The following SPATS2L variants were observed in gnomAD, a reference collection of about 807,000 sequenced individuals.
SPATS2L encodes spermatogenesis associated serine rich 2 like, also known as SPATS2-like protein.
In SPATS2L, 30 loss-of-function variants were observed where a neutral mutation model predicts 59.6. The ratio of observed to expected loss-of-function variants is 0.50; its 90% CI spans 0.38 to 0.68. The LOEUF is 0.68. Ranked by LOEUF, SPATS2L falls within the 30% of genes least tolerant of loss-of-function variation. The pLI, the probability that SPATS2L is intolerant of heterozygous loss-of-function variation, is 0.00. For synonymous variants in SPATS2L, 252 were observed against 263.5 expected (o/e 0.96, Z 0.42); for missense variants, 615 against 700.0 (o/e 0.88, Z 1.37).
At chr2:200,424,673 C>G (rs1021428763) in intron 6 of SPATS2L, among the ~76,000 whole-genome samples, 20 of 152,160 alleles carry the variant, frequency 1.3e-4, no homozygotes, top group African/African-American at 4.6e-4. Context: ...TTACTTGTCT[C>G]CACTTAGGCC....
rs944330939 is a variant in SPATS2L at position 200,478,571 on chromosome 2, G to A, written c.*540G>A. On this transcript the variant is annotated 3_prime_UTR_variant, in exon 13 of 13. Coordinates refer to ENST00000409140, the MANE Select transcript of SPATS2L (RefSeq NM_001100423.2). The stretch of plus-strand genomic sequence containing the variant: ...TTTTATTGATACCCACCTAGTTATT[G>A]AATGTACTGTTTAGTGCTTTCAAAA... 1 of 152,554 alleles carries A rather than the reference G, an allele frequency of 6.6e-6. No individual in the cohort carries two copies. Among genetic ancestry groups the A allele is most frequent in the Non-Finnish European group, 1.5e-5 (1 of 68,056 alleles). The allele number at this position is 152,554 out of a possible 1,614,324, so 9.5% of individuals were successfully genotyped here. A position where few individuals can be genotyped will look rare whatever the true frequency, so the allele number is the denominator to read the frequency against.
chr2:200,470,675 G>T (rs2086959475), intron 11 of SPATS2L, among the ~76,000 whole-genome samples: 1 of 152,204 alleles, frequency 6.6e-6, no homozygotes, highest in Non-Finnish European at 1.5e-5. Flanking sequence ...AGTCAATGAC[G>T]TGGAAACCCA....
rs138901338 is a variant in SPATS2L at position 200,479,323 on chromosome 2, G to A, written c.*1292G>A. ...AAGTCTATTTTCCACACTGTCCAGA[G>A]GAGAGAAGTTATCCTAGTAGCTTCT... On this transcript the variant is annotated 3_prime_UTR_variant, in exon 13 of 13. Coordinates refer to ENST00000409140, the MANE Select transcript of SPATS2L (RefSeq NM_001100423.2). The A allele has an allele frequency of 1.5e-4, 56 of 380,542 alleles. 1 individual carries two copies. In the East Asian group the frequency reaches 1.6e-3, roughly 11 times the overall value. 23.6% of individuals were successfully genotyped at this position (380,542 alleles called of 1,614,324 possible). A position where few individuals can be genotyped will look rare whatever the true frequency, so the allele number is the denominator to read the frequency against.
chr2:200,466,330 T>C (rs977832992), intron 9 of SPATS2L, among the ~76,000 whole-genome samples: 3 of 152,230 alleles, frequency 2.0e-5, no homozygotes, highest in Non-Finnish European at 4.4e-5. Flanking sequence ...ATGCTTGTCC[T>C]AAAGAAATGA....
chr2:200,329,857 G>A (rs1357947174), intron 2 of SPATS2L, among the ~76,000 whole-genome samples: 1 of 151,806 alleles, frequency 6.6e-6, no homozygotes, highest in Admixed American at 6.6e-5. Flanking sequence ...GGTGGGCTCT[G>A]GAGCCAGACT....
chr2:200,439,423 G>A lies in SPATS2L; in HGVS notation c.652+95G>A. ...AACTTTCCAAAAGATGCTGCTTAGT[G>A]AAGAGAGATGCACATGAAATTGCAT... On this transcript the variant is annotated intron_variant, in intron 7 of 12. Coordinates refer to ENST00000409140, the MANE Select transcript of SPATS2L (RefSeq NM_001100423.2). 3 of 1,021,486 alleles carry A rather than the reference G, an allele frequency of 2.9e-6. No individual in the cohort carries two copies. The South Asian group carries it at 4.5e-5, about 15-fold the overall frequency. The allele number at this position is 1,021,486 out of a possible 1,614,324, so 63.3% of individuals were successfully genotyped here.
rs1248100075 is a variant in SPATS2L, at chr2:200,472,895, A to G, written c.1124A>G (p.Asn375Ser). The stretch of plus-strand genomic sequence containing the variant: ...TGCAGCTCCCTGCTGCCTCTGCTGA[A>G]TGCGCACGCAGCAACCTCTGGGAAA... ...TPCSSLLPLL[N>S]AHAATSGKQS... The change falls in exon 12 of 13, where the codon AAT becomes AGT. Residue 375 changes from asparagine to serine, a missense_variant. This residue lies in a region of SPATS2L where 284 missense variants were observed against 280.1 expected (regional missense o/e 1.01). Transcript: ENST00000409140. 2 of 1,613,896 alleles carry G rather than the reference A, an allele frequency of 1.2e-6. No homozygotes were observed. The highest frequency in any genetic ancestry group is 8.5e-7 in the Non-Finnish European group (1 of 1,179,874).
intron 3 of SPATS2L, among the ~76,000 whole-genome samples, chr2:200,405,019 C>G (rs1428290295): frequency 6.6e-6 from 1 of 152,130 alleles, no homozygotes; most frequent in East Asian, 1.9e-4. Context: ...TAATTAGCAA[C>G]CTCAATTCCA....
At chr2:200,334,164 G>A (rs2105803255) in intron 2 of SPATS2L, among the ~76,000 whole-genome samples, 1 of 152,198 alleles carries the variant, frequency 6.6e-6, no homozygotes, top group East Asian at 1.9e-4. Flanking sequence ...TCCAGCACCT[G>A]TTGTTTCCTG....
At chr2:200,307,613 G>A (rs1205563361) in intron 1 of SPATS2L, among the ~76,000 whole-genome samples, 1 of 152,214 alleles carries the variant, frequency 6.6e-6, no homozygotes, top group Non-Finnish European at 1.5e-5. Flanking sequence ...GACCCCAGCG[G>A]GAGACGGGGT....
chr2:200,411,237 A>G (rs932949552), intron 3 of SPATS2L, among the ~76,000 whole-genome samples: 3 of 152,102 alleles, frequency 2.0e-5, no homozygotes, highest in Non-Finnish European at 2.9e-5. Context: ...GCAGATCTGT[A>G]TGGAATAGGT....
intron 1 of SPATS2L, among the ~76,000 whole-genome samples, chr2:200,319,564 CAAAAAAAAAAAAA>C (rs56210295): frequency 5.9e-5 from 3 of 51,004 alleles, no homozygotes; most frequent in Non-Finnish European, 1.1e-4. Context: ...GACCCCACCT[CAAAAAAAAAAAAA>C]AAAAAAAAAA....
intron 3 of SPATS2L, among the ~76,000 whole-genome samples, chr2:200,407,864 A>T (rs1490042876): frequency 1.3e-5 from 2 of 152,216 alleles, no homozygotes; most frequent in African/African-American, 2.4e-5. Flanking sequence ...CCTTTGACTC[A>T]GAGCAGCCGC....
At chr2:200,436,732 A>C (rs1216121559) in intron 6 of SPATS2L, among the ~76,000 whole-genome samples, 1 of 151,992 alleles carries the variant, frequency 6.6e-6, no homozygotes. Context: ...AAATCCCCTT[A>C]TTTTCAAGAA....
At chr2:200,442,956 C>T (rs997489140) in intron 8 of SPATS2L, among the ~76,000 whole-genome samples, 2 of 152,156 alleles carry the variant, frequency 1.3e-5, no homozygotes, top group African/African-American at 4.8e-5. Context: ...CAAAATGGCA[C>T]TTTTTCTGCA....
intron 4 of SPATS2L, among the ~76,000 whole-genome samples, chr2:200,415,509 T>G (rs1437976155): frequency 1.3e-5 from 2 of 152,128 alleles, no homozygotes; most frequent in East Asian, 3.8e-4. Flanking sequence ...CTGTGCCTAT[T>G]TATTTGAAAA....
At chr2:200,369,496 G>A (rs1177150116) in intron 2 of SPATS2L, among the ~76,000 whole-genome samples, 1 of 152,086 alleles carries the variant, frequency 6.6e-6, no homozygotes, top group Non-Finnish European at 1.5e-5. Flanking sequence ...GCAGGGAGAG[G>A]CCAATAACCA....
intron 6 of SPATS2L, among the ~76,000 whole-genome samples, chr2:200,430,801 T>G (rs2083879170): frequency 7.0e-6 from 1 of 141,992 alleles, no homozygotes; most frequent in East Asian, 2.3e-4. Context: ...CACCACAACC[T>G]CTGCCTCACA....
chr2:200,447,931 A>G (rs746502625), intron 8 of SPATS2L, among the ~76,000 whole-genome samples: 8 of 152,234 alleles, frequency 5.3e-5, no homozygotes, highest in Non-Finnish European at 8.8e-5. Flanking sequence ...AGTGAAGACA[A>G]AAATCAAGAG....
Sources: gnomAD v4.1 joint callset for allele counts (sites outside exome capture counted in the v4.1 genomes callset) on GRCh38, gnomAD v4.1.1 for gene constraint, gnomAD v4.1.1 regional missense constraint, MANE v1.5 for transcripts, NCBI Gene and HGNC (gene_info 2026-07-23, HGNC 2026-07-21) for gene names.